Variants in ANO2 observed in about 807,000 individuals in gnomAD.
ANO2 encodes the protein anoctamin 2.
Under a neutral mutation model 124.2 loss-of-function variants are expected in ANO2, and 101 were observed. The ratio of observed to expected loss-of-function variants is 0.81; its 90% CI spans 0.69 to 0.96. The LOEUF (loss-of-function observed/expected upper bound fraction) is 0.96. Ranked by LOEUF, ANO2 falls within the 40% of genes least tolerant of loss-of-function variation. The pLI, the probability that ANO2 is intolerant of heterozygous loss-of-function variation, is 0.00. For synonymous variants in ANO2, 486 were observed against 482.5 expected (o/e 1.01, Z -0.09); for missense variants, 1,293 against 1,274.5 (o/e 1.01, Z -0.22).
chr12:5,605,281 A>G (rs1228614818), intron 19 of ANO2, among the ~76,000 whole-genome samples: 1 of 152,226 alleles, frequency 6.6e-6, no homozygotes, highest in Non-Finnish European at 1.5e-5. Context: ...TTTGAGGAGA[A>G]CACAGACCTC....
intron 1 of ANO2, among the ~76,000 whole-genome samples, chr12:5,924,146 C>G (rs1014364713): frequency 2.6e-4 from 40 of 152,278 alleles, no homozygotes; most frequent in Non-Finnish European, 4.9e-4. Context: ...AATGAATGAA[C>G]AAAAGCAACT....
At chr12:5,620,682 C>T (rs1026178335) in intron 16 of ANO2, among the ~76,000 whole-genome samples, 5 of 151,912 alleles carry the variant, frequency 3.3e-5, no homozygotes, top group African/African-American at 9.7e-5. Flanking sequence ...TAGGAAAAGC[C>T]TTCCGTGATA....
At chr12:5,915,803 T>C (rs531013103) in intron 3 of ANO2, among the ~76,000 whole-genome samples, 67 of 152,304 alleles carry the variant, frequency 4.4e-4, no homozygotes, top group African/African-American at 1.6e-3. Flanking sequence ...AAGCACAGTT[T>C]AACACCAACA....
In ANO2 at chr12:5,770,286, C is replaced by T. The variant is rs185475512; in HGVS notation, c.1056-19316G>A. On this transcript the variant is annotated intron_variant, in intron 10 of 24. Transcript: ENST00000682330. ...GGAACCACAGAAAAGCAAAGTGAAT[C>T]ATATTCTTCCAGCTCATTGGTTTCC... 2.6e-5 allele frequency among the ~76,000 whole-genome samples: 4 copies of T among 152,266 alleles called. No homozygotes were observed. The South Asian group carries it at 8.3e-4, about 32-fold the overall frequency.
rs560959127 is a variant in ANO2, at chr12:5,655,581, C to T, written c.1546-7780G>A. ...TGGGTGTGGCCACCCAGCCTGCAGA[C>T]GCACCAAAAAATAAGAGCCACCATT... On this transcript the variant is annotated intron_variant, in intron 14 of 24. Transcript: ENST00000682330. Among the ~76,000 whole-genome samples the T allele has an allele frequency of 6.6e-5, 10 of 152,300 alleles. 1 individual carries two copies. Among genetic ancestry groups the T allele is most frequent in the African/African-American group, 1.4e-4 (6 of 41,566 alleles).
At chr12:5,883,566 C>T (rs1419456228) in intron 3 of ANO2, among the ~76,000 whole-genome samples, 1 of 150,538 alleles carries the variant, frequency 6.6e-6, no homozygotes, top group Non-Finnish European at 1.5e-5. Context: ...CTGCCAGGGT[C>T]TCTGGACGTT....
intron 7 of ANO2, among the ~76,000 whole-genome samples, chr12:5,814,833 C>T (rs1041022114): frequency 6.6e-6 from 1 of 152,204 alleles, no homozygotes; most frequent in African/African-American, 2.4e-5. Context: ...AGTTAAAAAG[C>T]AATGACAAAG....
intron 4 of ANO2, 91 bp from the exon 5 acceptor site, chr12:5,832,694 C>A: frequency 2.9e-6 from 4 of 1,372,410 alleles, no homozygotes; most frequent in Non-Finnish European, 3.9e-6. Flanking sequence ...GACACAGATT[C>A]CCAGAGGTGA....
intron 1 of ANO2, among the ~76,000 whole-genome samples, chr12:5,939,908 A>G (rs1165210184): frequency 6.6e-6 from 1 of 152,262 alleles, no homozygotes; most frequent in African/African-American, 2.4e-5. Context: ...GAGGCCTACC[A>G]AAAATGAAAA....
chr12:5,792,787 T>C (rs1952734552), intron 10 of ANO2, among the ~76,000 whole-genome samples: 1 of 152,204 alleles, frequency 6.6e-6, no homozygotes, highest in African/African-American at 2.4e-5. Flanking sequence ...GAAAACCCAG[T>C]GGTCATCTGC....
chr12:5,894,227 C>G (rs910392670), intron 3 of ANO2, among the ~76,000 whole-genome samples: 2 of 152,200 alleles, frequency 1.3e-5, no homozygotes, highest in African/African-American at 4.8e-5. Context: ...ATTTGCATTT[C>G]TCTAATGACC....
chr12:5,646,874 G>A (rs1946665103), intron 15 of ANO2, among the ~76,000 whole-genome samples: 1 of 152,062 alleles, frequency 6.6e-6, no homozygotes, highest in Non-Finnish European at 1.5e-5. Context: ...TAACGGTCAC[G>A]ATGGCAAAAA....
chr12:5,795,111 G>T (rs765056024), intron 10 of ANO2, among the ~76,000 whole-genome samples: 34 of 152,174 alleles, frequency 2.2e-4, no homozygotes, highest in Non-Finnish European at 1.6e-4. Context: ...CAGTGCTGGG[G>T]AACCCTGGCA....
chr12:5,810,408 T>A (rs1405178751), intron 7 of ANO2, among the ~76,000 whole-genome samples: 2 of 152,226 alleles, frequency 1.3e-5, no homozygotes, highest in African/African-American at 4.8e-5. Flanking sequence ...GTCCCTGCTT[T>A]GAAAATTGAA....
At chr12:5,691,851 G>A (rs1177752784) in intron 14 of ANO2, among the ~76,000 whole-genome samples, 1 of 151,874 alleles carries the variant, frequency 6.6e-6, no homozygotes, top group Non-Finnish European at 1.5e-5. Flanking sequence ...GCGGTGGGCC[G>A]AGATCATGTG....
chr12:5,577,762 A>G (rs945994954), intron 22 of ANO2, among the ~76,000 whole-genome samples, 193 bp downstream of exon 22: 9 of 152,240 alleles, frequency 5.9e-5, no homozygotes, highest in African/African-American at 2.2e-4. Context: ...AATTAAAATT[A>G]AACCTACACA....
chr12:5,928,336 C>A lies in ANO2; in HGVS notation c.23-5532G>T, dbSNP rs151303698. The stretch of plus-strand genomic sequence containing the variant: ...CTGCTTCCAGCAAAACCAGACAGGC[C>A]CAGGGCTGCCCTGTGGGAGACAGAG... On this transcript the variant is annotated intron_variant, in intron 1 of 24. Coordinates refer to ENST00000682330, the MANE Select transcript of ANO2 (RefSeq NM_001364791.2). Among the ~76,000 whole-genome samples the A allele has an allele frequency of 1.1e-3, 174 of 152,344 alleles. 2 individuals carry two copies. The highest frequency in any genetic ancestry group is 9.1e-3 in the East Asian group (47 of 5,180).
intron 1 of ANO2, among the ~76,000 whole-genome samples, chr12:5,940,113 T>C (rs1021224882): frequency 3.9e-5 from 6 of 152,142 alleles, no homozygotes; most frequent in African/African-American, 1.4e-4. Flanking sequence ...ATGGTGAGCT[T>C]GTGTGACAGT....
At chr12:5,907,840 C>G (rs1281884200) in intron 3 of ANO2, among the ~76,000 whole-genome samples, 2 of 152,202 alleles carry the variant, frequency 1.3e-5, no homozygotes, top group African/African-American at 4.8e-5. Flanking sequence ...CTCTCCATAC[C>G]CTAAGTTCTT....
Sources: gnomAD v4.1 joint callset for allele counts (sites outside exome capture counted in the v4.1 genomes callset) on GRCh38, gnomAD v4.1.1 for gene constraint, MANE v1.5 for transcripts, NCBI Gene and HGNC (gene_info 2026-07-23, HGNC 2026-07-21) for gene names.